TTC38: variants seen among roughly 807,000 people sequenced by gnomAD.
TTC38 encodes the protein tetratricopeptide repeat domain 38, also known as tetratricopeptide repeat protein 38.
In TTC38, 64 loss-of-function variants were observed where a neutral mutation model predicts 64.2. The observed-to-expected ratio is 1.00, with a 90% CI of 0.81 to 1.23. The LOEUF (loss-of-function observed/expected upper bound fraction) is 1.23. Ranked by LOEUF, TTC38 falls within the 50% of genes most tolerant of loss-of-function variation. TTC38 has a pLI of 0.00. For missense variants in TTC38, 573 were observed against 615.5 expected, an observed-to-expected ratio of 0.93 and a Z score of 0.73; for synonymous variants, 254 against 249.3, an observed-to-expected ratio of 1.02 and a Z score of -0.18.
chr22:46,285,200 G>A (rs755469579), intron 8 of TTC38, 41 bp from the exon 9 acceptor site: 3 of 1,600,256 alleles, frequency 1.9e-6, no homozygotes, highest in South Asian at 2.2e-5. Context: ...ATTACACTTT[G>A]CCTTCTCCAG....
intron 11 of TTC38, 27 bp downstream of exon 11, chr22:46,288,615 G>A (rs1432100425): frequency 2.5e-6 from 4 of 1,608,778 alleles, no homozygotes; most frequent in Non-Finnish European, 2.5e-6. Context: ...TCTCGGGGTG[G>A]GGGTCCTCAC....
At position 46,270,546 on chromosome 22, in the gene TTC38, T is replaced by C. The variant is rs1165639556; in HGVS notation, c.112-1789T>C. 6.6e-6 allele frequency among the ~76,000 whole-genome samples: 1 copy of C among 152,142 alleles called. No homozygotes were observed. The highest frequency in any genetic ancestry group is 1.5e-5 in the Non-Finnish European group (1 of 68,016). On this transcript the variant is annotated intron_variant, in intron 2 of 13. Coordinates refer to ENST00000381031, the MANE Select transcript of TTC38 (RefSeq NM_017931.4). This position sits in a 1 kb window ranked among gnomAD's most constrained non-coding sequence, Gnocchi z 4.7. ...AAATACAGCAAATTGTTAAAAATGA[T>C]GATGCGCTGGGCGCGGTGACTCACG...
chr22:46,268,396 T>C, intron 1 of TTC38, 118 bp from the exon 2 acceptor site: 1 of 1,128,782 alleles, frequency 8.9e-7, no homozygotes, highest in Non-Finnish European at 1.3e-6. Context: ...ACTGGGAGCC[T>C]GAGCCCATTT....
Position 46,277,434 on chromosome 22 carries a change from G to A in TTC38, c.540-1152G>A, listed in dbSNP as rs142092164. 2.2e-4 allele frequency among the ~76,000 whole-genome samples: 33 copies of A among 152,092 alleles called. 1 individual carries two copies. The East Asian group carries it at 4.6e-3, about 21-fold the overall frequency. On this transcript the variant is annotated intron_variant, in intron 5 of 13. Coordinates refer to ENST00000381031, the MANE Select transcript of TTC38 (RefSeq NM_017931.4). ...AGCCTGGCCAACATGGTGAAACCCC[G>A]TCTCTACTAAAAATACCAAAATTAG... is the stretch of plus-strand genomic sequence containing the variant.
chr22:46,279,586 G>C (rs1229569443), intron 6 of TTC38, among the ~76,000 whole-genome samples: 1 of 152,220 alleles, frequency 6.6e-6, no homozygotes, highest in African/African-American at 2.4e-5. Context: ...TCCCCCAGTA[G>C]TTGCCCTAGT....
At position 46,276,738 on chromosome 22, in the gene TTC38, TATATATAA is replaced by T. The variant is rs2077490249; in HGVS notation, c.539+1319_539+1326del. 7.7e-6 allele frequency among the ~76,000 whole-genome samples: 1 copy of T among 129,660 alleles called. No homozygotes were observed. Among genetic ancestry groups the T allele is most frequent in the Non-Finnish European group, 1.5e-5 (1 of 65,016 alleles). The allele number at this position is 129,660 out of a possible 152,430, so 85.1% of individuals were successfully genotyped here. ...ATTAAAAATATATATATTAAAAAAA[TATATATAA>T]AATACATATATTAAAAATATATATT... On this transcript the variant is annotated intron_variant, in intron 5 of 13. Transcript: ENST00000381031. This position sits in a 1 kb window ranked among gnomAD's most constrained non-coding sequence, Gnocchi z 4.7.
chr22:46,268,611 C>T lies in TTC38; in HGVS notation c.111+20C>T. The T allele has an allele frequency of 6.2e-7, 1 of 1,612,374 alleles. No homozygotes were observed. ...ACCCAGGTATGCCTGCCGAGAGAGG[C>T]CGCGGCCCCTTCTGTGGAGGTCTAG... On this transcript the variant is annotated intron_variant, in intron 2 of 13. Transcript: ENST00000381031.
At chr22:46,277,223 T>C (rs1164035424) in intron 5 of TTC38, among the ~76,000 whole-genome samples, 1 of 152,056 alleles carries the variant, frequency 6.6e-6, no homozygotes, top group African/African-American at 2.4e-5. Flanking sequence ...CCCTATTTTG[T>C]TTTCACTTAA....
Position 46,291,026 on chromosome 22 carries a change from G to A in TTC38, c.1316+1127G>A, listed in dbSNP as rs1002202084. 6.6e-6 allele frequency among the ~76,000 whole-genome samples: 1 copy of A among 152,208 alleles called. No homozygotes were observed. The highest frequency in any genetic ancestry group is 2.4e-5 in the African/African-American group (1 of 41,452). On this transcript the variant is annotated intron_variant, in intron 13 of 13. Coordinates refer to ENST00000381031, the MANE Select transcript of TTC38 (RefSeq NM_017931.4). This position sits in a 1 kb window ranked among gnomAD's most constrained non-coding sequence, Gnocchi z 4.6. The stretch of plus-strand genomic sequence containing the variant: ...GCTGGTGACAAGCCCAGTGGTTTAG[G>A]CGCAGGTGCACCAGCGCAGCTCCCT...
rs370142203 is a variant in TTC38, at chr22:46,268,559, G to C, written c.79G>C (p.Ala27Pro). 1 of 1,614,076 alleles carries C rather than the reference G, an allele frequency of 6.2e-7. No homozygotes were observed. Among genetic ancestry groups the C allele is most frequent in the Non-Finnish European group, 8.5e-7 (1 of 1,180,036 alleles). The change falls in exon 2 of 14, where the codon GCC (alanine) becomes CCC (proline). Residue 27 changes from alanine to proline, a missense_variant. By Grantham distance (27) the Ala-to-Pro change is conservative. Transcript: ENST00000381031. ...CCCGCTCTCCACCACAAGCAACGAA[G>C]CCTGCAAGCTGTTCGATGCCACGCT... ...RLPLSTTSNE[A>P]CKLFDATLTQ... is the part of the protein sequence containing the mutation.
intron 5 of TTC38, among the ~76,000 whole-genome samples, chr22:46,277,173 A>G (rs903149516): frequency 6.6e-6 from 1 of 152,076 alleles, no homozygotes; most frequent in Non-Finnish European, 1.5e-5. Flanking sequence ...CTTGCAAAGT[A>G]ATGAAGCTAA....
At position 46,275,165 on chromosome 22, in the gene TTC38, T is replaced by C. The variant is rs1936979988; in HGVS notation, c.366-83T>C. 3.8e-6 allele frequency: 5 copies of C among 1,327,706 alleles called. No homozygotes were observed. In the East Asian group the frequency reaches 1.2e-4, roughly 31 times the overall value. 82.2% of individuals were successfully genotyped at this position (1,327,706 alleles called of 1,614,324 possible). On this transcript the variant is annotated intron_variant, in intron 4 of 13. Transcript: ENST00000381031. This position sits in a 1 kb window ranked among gnomAD's most constrained non-coding sequence, Gnocchi z 4.5. ...AACACATCCATGTAGACCATGACAC[T>C]GGTGAGAAACAATGCCTCTTACACT... is the stretch of plus-strand genomic sequence containing the variant.
rs138947328 is a variant in TTC38, at chr22:46,288,996, C to A, written c.1083-406C>A. Among the ~76,000 whole-genome samples the A allele has an allele frequency of 1.4e-4, 21 of 152,364 alleles. No individual in the cohort carries two copies. In the East Asian group the frequency reaches 3.9e-3, roughly 28 times the overall value. Reference sequence around the variant, plus strand: ...TTTCCCCATCTAAATCAGGGCGATGCCTGGCAAGAGCTGGTGAGGGCTGAC... The same window carrying A: ...TTTCCCCATCTAAATCAGGGCGATGACTGGCAAGAGCTGGTGAGGGCTGAC... On this transcript the variant is annotated intron_variant, in intron 11 of 13. Coordinates refer to ENST00000381031, the MANE Select transcript of TTC38 (RefSeq NM_017931.4).
In TTC38 at chr22:46,274,579, G is replaced by C. The variant is rs1302123575; in HGVS notation, c.365+510G>C. Among the ~76,000 whole-genome samples, 1 of 152,192 alleles carries C rather than the reference G, an allele frequency of 6.6e-6. No homozygotes were observed. The highest frequency in any genetic ancestry group is 2.4e-5 in the African/African-American group (1 of 41,442). On this transcript the variant is annotated intron_variant, in intron 4 of 13. Coordinates refer to ENST00000381031, the MANE Select transcript of TTC38 (RefSeq NM_017931.4). The surrounding 1 kb of genome is among the most constrained non-coding windows in gnomAD (Gnocchi z 4.8). The stretch of plus-strand genomic sequence containing the variant: ...CCTGCAGAGTTAGGCGACCCTAGCC[G>C]ATTGTGCAGGGACTCAGGGATTCCG...
At chr22:46,283,021 T>C (rs1237739093) in intron 7 of TTC38, among the ~76,000 whole-genome samples, 1 of 152,104 alleles carries the variant, frequency 6.6e-6, no homozygotes, top group Non-Finnish European at 1.5e-5. Flanking sequence ...CTCGACCGCC[T>C]GGGCTCAAGC....
intron 5 of TTC38, among the ~76,000 whole-genome samples, chr22:46,277,876 C>G (rs978966038): frequency 3.9e-5 from 6 of 152,128 alleles, no homozygotes; most frequent in Non-Finnish European, 8.8e-5. Flanking sequence ...GCCCCTGGGT[C>G]ATGCCTCTGG....
At chr22:46,286,992 G>T in intron 9 of TTC38, 81 bp from the exon 10 acceptor site, 1 of 1,162,444 alleles carries the variant, frequency 8.6e-7, no homozygotes, top group South Asian at 1.4e-5. Context: ...CACCCCACCT[G>T]GACAGGCTGA....
Position 46,282,174 on chromosome 22 carries a change from A to C in TTC38, c.735+456A>C. Reference sequence around the variant, plus strand: ...CAGGTGTGTGCCACACAGAGGGGGAAGATGGAGGGCATCCTAGCCCGTCAC... The same window carrying C: ...CAGGTGTGTGCCACACAGAGGGGGACGATGGAGGGCATCCTAGCCCGTCAC... On this transcript the variant is annotated intron_variant, in intron 7 of 13. Coordinates refer to ENST00000381031, the MANE Select transcript of TTC38 (RefSeq NM_017931.4). The surrounding 1 kb of genome is among the most constrained non-coding windows in gnomAD (Gnocchi z 4.4). The C allele has an allele frequency of 2.9e-6, 1 of 343,476 alleles. No homozygotes were observed. The highest frequency in any genetic ancestry group is 2.2e-5 in the South Asian group (1 of 46,280). 21.3% of individuals were successfully genotyped at this position (343,476 alleles called of 1,614,324 possible).
chr22:46,287,059 G>A lies in TTC38; in HGVS notation c.835-14G>A, dbSNP rs754671648. 19 of 1,589,536 alleles carry A rather than the reference G, an allele frequency of 1.2e-5. No individual in the cohort carries two copies. The highest frequency in any genetic ancestry group is 1.7e-4 in the Middle Eastern group (1 of 6,010). ...GCCACCCGCTGAGCCCGCCTTGGCC[G>A]CCCTGTCTTCCAGATCCTTCCCAGC... On this transcript the variant is annotated splice_polypyrimidine_tract_variant and intron_variant, in intron 9 of 13. Transcript: ENST00000381031.
Sources: allele counts gnomAD v4.1 joint callset (sites outside exome capture counted in the v4.1 genomes callset), GRCh38; gene constraint gnomAD v4.1.1; non-coding constraint Gnocchi (gnomAD v3.1); transcripts MANE v1.5; gene names NCBI Gene and HGNC (gene_info 2026-07-23, HGNC 2026-07-21).